Variants in GSG1L observed in about 807,000 individuals in gnomAD.
The protein encoded by GSG1L is GSG1 like, also known as germ cell-specific gene 1-like protein.
Under a neutral mutation model 42.1 loss-of-function variants are expected in GSG1L, and 24 were observed. The ratio of observed to expected loss-of-function variants is 0.57; its 90% CI spans 0.41 to 0.80. GSG1L has a LOEUF of 0.80. Ranked by LOEUF, GSG1L falls within the 30% of genes least tolerant of loss-of-function variation. The pLI is 0.00. For synonymous variants in GSG1L, 215 were observed against 203.5 expected, an observed-to-expected ratio of 1.06 and a Z score of -0.48; for missense variants, 445 against 472.2, an observed-to-expected ratio of 0.94 and a Z score of 0.53.
At chr16:27,846,311 C>T (rs888022501) in intron 3 of GSG1L, among the ~76,000 whole-genome samples, 4 of 152,128 alleles carry the variant, frequency 2.6e-5, no homozygotes, top group African/African-American at 9.7e-5. Context: ...TTACCCTGCC[C>T]AGAAGCTGTT....
intron 5 of GSG1L, among the ~76,000 whole-genome samples, chr16:27,820,967 T>C (rs2083145337): frequency 6.6e-6 from 1 of 152,162 alleles, no homozygotes; most frequent in African/African-American, 2.4e-5. Context: ...TTGCTTGTTC[T>C]GTTCCCCGTG....
intron 2 of GSG1L, among the ~76,000 whole-genome samples, chr16:27,911,932 A>G (rs1316807276): frequency 6.6e-6 from 1 of 152,204 alleles, no homozygotes; most frequent in East Asian, 1.9e-4. Flanking sequence ...CCATGGAGGC[A>G]GGGGTTTTTG....
At chr16:28,047,139 G>A (rs1383406253) in intron 1 of GSG1L, among the ~76,000 whole-genome samples, 3 of 152,128 alleles carry the variant, frequency 2.0e-5, no homozygotes, top group Non-Finnish European at 4.4e-5. Context: ...TTACGAAAGG[G>A]ACTTGCAATT....
intron 1 of GSG1L, among the ~76,000 whole-genome samples, chr16:27,995,883 A>AACACACACAC (rs3033625): frequency 1.2e-4 from 18 of 145,320 alleles, no homozygotes; most frequent in South Asian, 1.1e-3. Flanking sequence ...TACTGATTAA[A>AACACACACAC]ACACACACAC....
At chr16:27,858,492 T>C (rs190236479) in intron 3 of GSG1L, among the ~76,000 whole-genome samples, 126 of 152,326 alleles carry the variant, frequency 8.3e-4, no homozygotes, top group African/African-American at 3.0e-3. Flanking sequence ...TCCATCACAG[T>C]CTCTTCCACT....
intron 5 of GSG1L, among the ~76,000 whole-genome samples, chr16:27,826,385 C>T (rs998414267): frequency 2.0e-5 from 3 of 152,210 alleles, no homozygotes; most frequent in Non-Finnish European, 4.4e-5. Flanking sequence ...CTCCTGTCCC[C>T]TTCCTCGTCC....
chr16:28,009,050 C>T (rs570977040), intron 1 of GSG1L, among the ~76,000 whole-genome samples: 1 of 152,284 alleles, frequency 6.6e-6, no homozygotes, highest in South Asian at 2.1e-4. Context: ...CTCAAGTGAT[C>T]CGCCCGCCTT....
At position 27,944,108 on chromosome 16, in the gene GSG1L, G is replaced by A. The variant is rs75499005; in HGVS notation, c.397+19048C>T. ...TGGTAGTGGCCAGGAAGGGTTACAG[G>A]GGCTTCTGGGAGTCTGACAATGACC... On this transcript the variant is annotated intron_variant, in intron 2 of 6. Coordinates refer to ENST00000447459, the MANE Select transcript of GSG1L (RefSeq NM_001109763.2). Among the ~76,000 whole-genome samples, 899 of 152,212 alleles carry A rather than the reference G, an allele frequency of 5.9e-3. 5 individuals are homozygous for A. The highest frequency in any genetic ancestry group is 0.01 in the Non-Finnish European group (681 of 68,020).
chr16:27,903,020 T>A lies in GSG1L; in HGVS notation c.398-18382A>T, dbSNP rs74015131. ...AGCAGTGGCGGCCAGGCGAGCCGAG[T>A]GACCAGAGGCTGCAGGGATCCAGAA... On this transcript the variant is annotated intron_variant, in intron 2 of 6. Coordinates refer to ENST00000447459, the MANE Select transcript of GSG1L (RefSeq NM_001109763.2). Among the ~76,000 whole-genome samples, 792 of 150,278 alleles carry A rather than the reference T, an allele frequency of 5.3e-3. 9 individuals are homozygous for A. Among genetic ancestry groups the A allele is most frequent in the African/African-American group, 0.019 (759 of 40,658 alleles).
At position 28,063,115 on chromosome 16, in the gene GSG1L, CG is replaced by C; in HGVS notation, c.309del (p.Gly104AlafsTer89). 1 of 1,441,252 alleles carries C rather than the reference CG, an allele frequency of 6.9e-7. No individual in the cohort carries two copies. 89.3% of individuals were successfully genotyped at this position (1,441,252 alleles called of 1,614,324 possible). ...DDRFLFRNFH[T>X]GIWYSCEEEL... ...TCCTCCTCGCACGAGTACCAGATGC[CG>C]GTGTGGAAATTCCTGAAGAGGAAGC... is the stretch of plus-strand genomic sequence containing the variant. On this transcript the variant is annotated frameshift_variant, in exon 1 of 7. Transcript: ENST00000447459. LOFTEE classifies it high-confidence loss of function. This position sits in a 1 kb window ranked among gnomAD's most constrained non-coding sequence, Gnocchi z 5.8.
chr16:27,959,063 A>G (rs1482803279), intron 2 of GSG1L, among the ~76,000 whole-genome samples: 2 of 152,164 alleles, frequency 1.3e-5, no homozygotes, highest in Non-Finnish European at 2.9e-5. Flanking sequence ...GGTTCCTGGC[A>G]AACAGCTGCT....
intron 6 of GSG1L, among the ~76,000 whole-genome samples, chr16:27,799,453 G>C (rs1445379021): frequency 6.6e-6 from 1 of 152,200 alleles, no homozygotes; most frequent in Non-Finnish European, 1.5e-5. Flanking sequence ...GCTGAGGTGG[G>C]AGGATCCCTT....
At chr16:27,921,246 A>G (rs2084520527) in intron 2 of GSG1L, among the ~76,000 whole-genome samples, 2 of 152,008 alleles carry the variant, frequency 1.3e-5, no homozygotes, top group Admixed American at 1.3e-4. Flanking sequence ...ACCTTCTCCA[A>G]GTATTTCACC....
At chr16:27,998,974 G>C (rs905811717) in intron 1 of GSG1L, among the ~76,000 whole-genome samples, 5 of 151,968 alleles carry the variant, frequency 3.3e-5, no homozygotes, top group African/African-American at 1.2e-4. Flanking sequence ...GACACAGCCA[G>C]CACTTTAAAA....
chr16:27,806,592 G>A lies in GSG1L; in HGVS notation c.898+895C>T, dbSNP rs542270947. Among the ~76,000 whole-genome samples the A allele has an allele frequency of 7.2e-5, 11 of 152,292 alleles. No homozygotes were observed. The South Asian group carries it at 2.3e-3, about 32-fold the overall frequency. ...ATCCCACTCCAGGGTGAGGGAGCTG[G>A]GGTATCTATACACCAACTTCCCTGG... On this transcript the variant is annotated intron_variant, in intron 6 of 6. Transcript: ENST00000447459.
chr16:28,042,408 C>A (rs940355034), intron 1 of GSG1L, among the ~76,000 whole-genome samples: 1 of 148,740 alleles, frequency 6.7e-6, no homozygotes, highest in Admixed American at 6.8e-5. Flanking sequence ...TGCACTCCAG[C>A]CTGGGCAACA....
chr16:28,009,661 C>T (rs1351276230), intron 1 of GSG1L, among the ~76,000 whole-genome samples: 1 of 152,240 alleles, frequency 6.6e-6, no homozygotes, highest in Admixed American at 6.5e-5. Context: ...CAGGACCAAA[C>T]TCCAGCAAAC....
At chr16:27,883,181 T>A in intron 3 of GSG1L, among the ~76,000 whole-genome samples, 1 of 150,948 alleles carries the variant, frequency 6.6e-6, no homozygotes, top group East Asian at 1.9e-4. Context: ...GACTGAGTCT[T>A]TTTCCTTCAA....
At chr16:27,958,438 C>T (rs1475829935) in intron 2 of GSG1L, among the ~76,000 whole-genome samples, 2 of 137,754 alleles carry the variant, frequency 1.5e-5, no homozygotes, top group Non-Finnish European at 3.2e-5. Flanking sequence ...GAAAAGAAAA[C>T]TATATCAGTC....
Sources: allele counts gnomAD v4.1 joint callset (sites outside exome capture counted in the v4.1 genomes callset), GRCh38; gene constraint gnomAD v4.1.1; non-coding constraint Gnocchi (gnomAD v3.1); transcripts MANE v1.5; gene names NCBI Gene and HGNC (gene_info 2026-07-23, HGNC 2026-07-21).